The following CHD9 variants were observed in gnomAD, a reference collection of about 807,000 sequenced individuals.
CHD9 encodes ATP-dependent chromatin remodeler CHD9.
A neutral mutation model predicts 316.1 loss-of-function variants in CHD9; 77 were observed. That is an observed-to-expected ratio of 0.24 (90% CI 0.20 to 0.29). The LOEUF is 0.29. Ranked by LOEUF, CHD9 falls within the 10% of genes least tolerant of loss-of-function variation. The probability of loss-of-function intolerance (pLI) is 1.00; values close to 1 mark genes in which losing one functional copy is unlikely to be tolerated. For synonymous variants in CHD9, 1,129 were observed against 1,158.3 expected (o/e 0.97, Z 0.51); for missense variants, 2,763 against 3,438.1 (o/e 0.80, Z 4.91).
At chr16:53,293,131 C>A in intron 29 of CHD9, 79 bp downstream of exon 29, 1 of 1,239,548 alleles carries the variant, frequency 8.1e-7, no homozygotes, top group Non-Finnish European at 1.1e-6. Flanking sequence ...GTACAATTAT[C>A]ACGCTTTGTG....
intron 2 of CHD9, among the ~76,000 whole-genome samples, chr16:53,181,190 T>C (rs570977330): frequency 2.4e-4 from 36 of 152,222 alleles, no homozygotes; most frequent in African/African-American, 8.7e-4. Flanking sequence ...TTTGTATTTT[T>C]AGTAGACATG....
At chr16:53,278,303 G>A (rs2053065973) in intron 24 of CHD9, among the ~76,000 whole-genome samples, 1 of 152,048 alleles carries the variant, frequency 6.6e-6, no homozygotes, top group Non-Finnish European at 1.5e-5. Context: ...CATAGCCAAA[G>A]CAAGACTAAG....
chr16:53,183,928 G>T lies in CHD9; in HGVS notation c.1453-25554G>T, dbSNP rs1048963540. On this transcript the variant is annotated intron_variant, in intron 2 of 38. Transcript: ENST00000447540. ...ATCCACACAAGATTGTTTTTCACAG[G>T]TACCTGGCTAATTTTTTTTTTTTTC... is the stretch of plus-strand genomic sequence containing the variant. 1.7e-4 allele frequency among the ~76,000 whole-genome samples: 26 copies of T among 152,070 alleles called. 1 individual carries two copies. The South Asian group carries it at 5.2e-3, about 30-fold the overall frequency.
intron 1 of CHD9, among the ~76,000 whole-genome samples, chr16:53,083,583 A>G (rs1422233483): frequency 1.3e-5 from 2 of 152,072 alleles, no homozygotes; most frequent in Non-Finnish European, 2.9e-5. Flanking sequence ...ATAGCTTAGT[A>G]TGTGGTTCTG....
At chr16:53,197,895 T>G (rs2045075146) in intron 2 of CHD9, among the ~76,000 whole-genome samples, 2 of 152,078 alleles carry the variant, frequency 1.3e-5, no homozygotes, top group African/African-American at 4.8e-5. Context: ...TGACCTCAGG[T>G]GATCTGCCCA....
intron 1 of CHD9, among the ~76,000 whole-genome samples, chr16:53,082,768 T>G (rs2035143686): frequency 6.6e-6 from 1 of 152,128 alleles, no homozygotes; most frequent in Non-Finnish European, 1.5e-5. Flanking sequence ...CCTGAAGCAT[T>G]CTCTTTGCTT....
At chr16:53,239,861 A>G (rs1483991228) in intron 12 of CHD9, among the ~76,000 whole-genome samples, 2 of 152,188 alleles carry the variant, frequency 1.3e-5, no homozygotes, top group African/African-American at 4.8e-5. Flanking sequence ...TTAAGATATC[A>G]TGGACTCCAA....
At chr16:53,081,765 A>AT (rs34447637) in intron 1 of CHD9, among the ~76,000 whole-genome samples, 7 of 151,166 alleles carry the variant, frequency 4.6e-5, no homozygotes, top group African/African-American at 7.3e-5. Flanking sequence ...TTAAAAAAAA[A>AT]TTTTTTTTTG....
At chr16:53,182,433 G>C (rs1001487317) in intron 2 of CHD9, among the ~76,000 whole-genome samples, 1 of 152,120 alleles carries the variant, frequency 6.6e-6, no homozygotes. Context: ...TTTACTTAAT[G>C]ATTTTATTCT....
intron 2 of CHD9, among the ~76,000 whole-genome samples, chr16:53,170,053 T>G (rs1187346630): frequency 2.0e-5 from 3 of 150,018 alleles, no homozygotes; most frequent in East Asian, 3.9e-4. Context: ...TTTTTTGTTT[T>G]TTTTTGTTTG....
At chr16:53,204,891 T>A (rs1447611338) in intron 2 of CHD9, among the ~76,000 whole-genome samples, 1 of 151,674 alleles carries the variant, frequency 6.6e-6, no homozygotes, top group Non-Finnish European at 1.5e-5. Context: ...TTGCCCAGGC[T>A]AGAGTACGGT....
intron 24 of CHD9, among the ~76,000 whole-genome samples, chr16:53,278,440 C>T (rs957620866): frequency 2.0e-5 from 3 of 152,130 alleles, no homozygotes; most frequent in South Asian, 4.2e-4. Flanking sequence ...GAATAGAGAA[C>T]CAAGAAATAA....
intron 1 of CHD9, among the ~76,000 whole-genome samples, chr16:53,135,522 A>G (rs758971439): frequency 7.9e-5 from 12 of 152,170 alleles, no homozygotes; most frequent in Non-Finnish European, 1.8e-4. Context: ...GATGGATTGG[A>G]TGTGAGAAGA....
At position 53,245,607 on chromosome 16, in the gene CHD9, C is replaced by A; in HGVS notation, c.3211C>A (p.Gln1071Lys). Residue 1071 changes from glutamine to lysine, a missense_variant, in exon 15 of 39, where the codon CAG becomes AAG. Gln to Lys is a moderately conservative substitution (Grantham distance 53). Around this residue, in one of 15 missense-constraint regions of CHD9, gnomAD observed 155 missense variants for 291.8 expected, o/e 0.53. Transcript: ENST00000447540. The surrounding 1 kb of genome is among the most constrained non-coding windows in gnomAD (Gnocchi z 4.1). Reference protein sequence around the residue: ...LKTEEQVQKLQAILKPMMLRR... With the variant: ...LKTEEQVQKLKAILKPMMLRR... ...ATTTTTTATTCAGGTACAGAAACTT[C>A]AGGCTATCCTGAAACCAATGATGTT... 1.3e-6 allele frequency: 2 copies of A among 1,567,016 alleles called. No individual in the cohort carries two copies. The highest frequency in any genetic ancestry group is 1.7e-6 in the Non-Finnish European group (2 of 1,161,430).
chr16:53,288,093 A>G, intron 27 of CHD9, 79 bp downstream of exon 27: 2 of 1,103,690 alleles, frequency 1.8e-6, no homozygotes, highest in South Asian at 2.6e-5. Flanking sequence ...CTTTTGCATT[A>G]TATTTTGTTT....
At chr16:53,260,018 A>G (rs1174445462) in intron 19 of CHD9, among the ~76,000 whole-genome samples, 3 of 152,244 alleles carry the variant, frequency 2.0e-5, no homozygotes, top group African/African-American at 7.2e-5. Flanking sequence ...TCAGTTGTGA[A>G]AAATTTGTTC....
chr16:53,104,582 G>A (rs545571814), intron 1 of CHD9, among the ~76,000 whole-genome samples: 2 of 152,246 alleles, frequency 1.3e-5, no homozygotes, highest in East Asian at 1.9e-4. Flanking sequence ...AGGCCAAGGC[G>A]GGCAGATCAC....
chr16:53,324,509 G>C lies in CHD9; in HGVS notation c.8308G>C (p.Val2770Leu). 6.2e-7 allele frequency: 1 copy of C among 1,613,924 alleles called. No homozygotes were observed. Among genetic ancestry groups the C allele is most frequent in the Non-Finnish European group, 8.5e-7 (1 of 1,179,862 alleles). ...QSSENGGENS[V>L]SSSPSTSSTA... ...TTCAGAGAATGGTGGAGAAAACTCT[G>C]TGTCAAGTTCTCCTTCCACATCCTC... The change falls in exon 39 of 39, where the codon GTG (valine) becomes CTG (leucine). Residue 2770 changes from valine (V) to leucine (L), a missense_variant. Val to Leu is a conservative substitution (Grantham distance 32). Transcript: ENST00000447540.
chr16:53,084,356 G>A (rs2035281407), intron 1 of CHD9, among the ~76,000 whole-genome samples: 1 of 152,204 alleles, frequency 6.6e-6, no homozygotes, highest in Non-Finnish European at 1.5e-5. Flanking sequence ...CAAAGAAAGA[G>A]TCCTGAACTG....
Sources: allele counts gnomAD v4.1 joint callset (sites outside exome capture counted in the v4.1 genomes callset), GRCh38; gene constraint gnomAD v4.1.1; regional missense constraint gnomAD v4.1.1; non-coding constraint Gnocchi (gnomAD v3.1); transcripts MANE v1.5; gene names NCBI Gene and HGNC (gene_info 2026-07-23, HGNC 2026-07-21).